ARAP1: variants seen among roughly 807,000 people sequenced by gnomAD.
ARAP1 encodes arf-GAP with Rho-GAP domain, ANK repeat and PH domain-containing protein 1.
Under a neutral mutation model 172.2 loss-of-function variants are expected in ARAP1, and 76 were observed. The ratio of observed to expected loss-of-function variants is 0.44; its 90% CI spans 0.37 to 0.53. The LOEUF is 0.53. Ranked by LOEUF, ARAP1 falls within the 20% of genes least tolerant of loss-of-function variation. The probability of loss-of-function intolerance (pLI) is 0.00; values close to 1 mark genes in which losing one functional copy is unlikely to be tolerated. For synonymous variants in ARAP1, 804 were observed against 803.3 expected, an observed-to-expected ratio of 1.00 and a Z score of -0.01; for missense variants, 1,686 against 1,977.5, an observed-to-expected ratio of 0.85 and a Z score of 2.80.
chr11:72,721,570 G>C (rs763204047), intron 3 of ARAP1, among the ~76,000 whole-genome samples: 2 of 152,142 alleles, frequency 1.3e-5, no homozygotes, highest in African/African-American at 4.8e-5. Context: ...AGGCACCGTG[G>C]GCTCCTGGTG....
chr11:72,707,285 G>C lies in ARAP1; in HGVS notation c.1613C>G (p.Ala538Gly), dbSNP rs868050352. 1 of 1,613,600 alleles carries C rather than the reference G, an allele frequency of 6.2e-7. No homozygotes were observed. Among genetic ancestry groups the C allele is most frequent in the South Asian group, 1.1e-5 (1 of 91,014 alleles). ...IAEALSTSEV[A>G]ERIWAAAPNR... ...GGGGGCTGCAGCCCAGATGCGCTCG[G>C]CCACCTCCGAGGTAGACAGGGCCTC... The change falls in exon 12 of 35, where the codon GCC (alanine) becomes GGC (glycine). Residue 538 changes from alanine to glycine, a missense_variant. Transcript: ENST00000393609.
At chr11:72,721,943 C>A (rs1030893813) in intron 3 of ARAP1, 5 of 986,428 alleles carry the variant, frequency 5.1e-6, no homozygotes, top group African/African-American at 3.5e-5. Flanking sequence ...CCTGCCCGTG[C>A]AAGCCTGGGT....
Position 72,727,130 on chromosome 11 carries a change from G to GT in ARAP1, c.-3dup. 1 of 1,578,558 alleles carries GT rather than the reference G, an allele frequency of 6.3e-7. No individual in the cohort carries two copies. Among genetic ancestry groups the GT allele is most frequent in the Non-Finnish European group, 8.6e-7 (1 of 1,158,610 alleles). On this transcript the variant is annotated 5_prime_UTR_variant, in exon 3 of 35. Transcript: ENST00000393609. ...CGCAGCATCCCCAGCCTCTGCCATGGTTCCTGCCAGCGGAGGCCTGACTGG... is the reference window on the plus strand; with the variant it reads ...CGCAGCATCCCCAGCCTCTGCCATGGTTTCCTGCCAGCGGAGGCCTGACTGG...
chr11:72,710,880 C>G lies in ARAP1; in HGVS notation c.1213+141G>C. On this transcript the variant is annotated intron_variant, in intron 9 of 34. Transcript: ENST00000393609. This position sits in a 1 kb window ranked among gnomAD's most constrained non-coding sequence, Gnocchi z 4.3. ...CACAGAGGGTGCCCCCTTCCTCTGC[C>G]CACCTCACAAAGGCAGCATGCCTCC... The G allele has an allele frequency of 6.6e-7, 1 of 1,507,402 alleles. No individual in the cohort carries two copies. Among genetic ancestry groups the G allele is most frequent in the Non-Finnish European group, 9.0e-7 (1 of 1,109,702 alleles). The allele number at this position is 1,507,402 out of a possible 1,614,324, so 93.4% of individuals were successfully genotyped here.
At position 72,712,469 on chromosome 11, in the gene ARAP1, C is replaced by T. The variant is rs1302026977; in HGVS notation, c.847G>A (p.Glu283Lys). The change falls in exon 6 of 35, where the codon GAG becomes AAG. Residue 283 changes from glutamate (E) to lysine (K), a missense_variant. Around this residue, in one of 5 missense-constraint regions of ARAP1, gnomAD observed 688 missense variants for 856.9 expected, o/e 0.80. Coordinates refer to ENST00000393609, the MANE Select transcript of ARAP1 (RefSeq NM_001040118.3). ...ACGCCCTCATAGGCGTGGTCATCCT[C>T]TTCCTCATCCCCTTGGTCGTCCCCA... The part of the protein sequence containing the change: ...LSGDDQGDEE[E>K]DDHAYEGVPN... The T allele has an allele frequency of 6.2e-7, 1 of 1,605,316 alleles. No homozygotes were observed. The highest frequency in any genetic ancestry group is 8.5e-7 in the Non-Finnish European group (1 of 1,173,542).
At chr11:72,703,802 C>A in intron 14 of ARAP1, 1 of 296,384 alleles carries the variant, frequency 3.4e-6, no homozygotes. Context: ...CAGAGCAGCC[C>A]AGCTGTTTTT....
Position 72,686,148 on chromosome 11 carries a change from C to T in ARAP1, c.4229G>A (p.Arg1410Gln), listed in dbSNP as rs768510412. Residue 1410 changes from arginine to glutamine, a missense_variant, in exon 34 of 35, where the codon CGG (arginine) becomes CAG (glutamine). Coordinates refer to ENST00000393609, the MANE Select transcript of ARAP1 (RefSeq NM_001040118.3). The part of the protein sequence containing the change: ...VWPSEPSRVS[R>Q]AVPEVRLGSV... ...ACCCAGCCGGACCTCAGGCACTGCC[C>T]GGGACACGCGTGAGGGCTCTGAGGG... 8.7e-6 allele frequency: 14 copies of T among 1,613,808 alleles called. No homozygotes were observed. The highest frequency in any genetic ancestry group is 6.7e-5 in the African/African-American group (5 of 74,914).
intron 30 of ARAP1, among the ~76,000 whole-genome samples, chr11:72,691,328 C>T (rs1855923635): frequency 6.6e-6 from 1 of 152,036 alleles, no homozygotes; most frequent in Non-Finnish European, 1.5e-5. Flanking sequence ...TCTCCTGCCT[C>T]CTTCCTTCCA....
chr11:72,695,610 T>G lies in ARAP1; in HGVS notation c.3439A>C (p.Arg1147=). The change falls in exon 25 of 35, where the codon AGG becomes CGG. Residue 1147 remains arginine (R), a synonymous_variant. Coordinates refer to ENST00000393609, the MANE Select transcript of ARAP1 (RefSeq NM_001040118.3). This position sits in a 1 kb window ranked among gnomAD's most constrained non-coding sequence, Gnocchi z 4.4. ...VVFSVDEEEL[R]KQREEITAIV... is the part of the protein sequence containing the mutation. ...GCAGTGATCTCCTCCCGCTGCTTCC[T>G]GAGCTCTTCCTCATCCACCTGGGAA... 6.2e-7 allele frequency: 1 copy of G among 1,614,186 alleles called. No individual in the cohort carries two copies. The highest frequency in any genetic ancestry group is 8.5e-7 in the Non-Finnish European group (1 of 1,180,038).
Position 72,697,709 on chromosome 11 carries a change from C to T in ARAP1, c.2738-60G>A. The T allele has an allele frequency of 5.6e-6, 9 of 1,604,880 alleles. No homozygotes were observed. The South Asian group carries it at 1.0e-4, about 18-fold the overall frequency. ...TTGCTCCTGATCCCCAACCTGCTCC[C>T]TCCCTCTGTGAGCACACACACACCC... is the stretch of plus-strand genomic sequence containing the variant. On this transcript the variant is annotated intron_variant, in intron 19 of 34. Coordinates refer to ENST00000393609, the MANE Select transcript of ARAP1 (RefSeq NM_001040118.3).
chr11:72,736,411 T>A (rs545181035), intron 1 of ARAP1, among the ~76,000 whole-genome samples: 32 of 152,006 alleles, frequency 2.1e-4, no homozygotes, highest in African/African-American at 7.0e-4. Flanking sequence ...CCCAGCTAAT[T>A]ACTGAGCTTT....
chr11:72,707,394 G>A lies in ARAP1; in HGVS notation c.1524-20C>T, dbSNP rs748599089. 1 of 1,598,658 alleles carries A rather than the reference G, an allele frequency of 6.3e-7. No homozygotes were observed. The highest frequency in any genetic ancestry group is 8.5e-7 in the Non-Finnish European group (1 of 1,170,122). ...GAGAAGCTGGGGACATAGGGGTGGG[G>A]AGATTAGTGGGGATGGACTCAGAGG... On this transcript the variant is annotated intron_variant, in intron 11 of 34. Transcript: ENST00000393609.
chr11:72,747,444 ATCAGGT>A (rs781388962), intron 1 of ARAP1, among the ~76,000 whole-genome samples: 64 of 152,262 alleles, frequency 4.2e-4, no homozygotes, highest in Non-Finnish European at 8.7e-4. Context: ...TCCCAACAGG[ATCAGGT>A]TCCTGGTTTG....
chr11:72,715,459 G>A (rs989165096), intron 3 of ARAP1, among the ~76,000 whole-genome samples: 4 of 152,194 alleles, frequency 2.6e-5, no homozygotes, highest in Admixed American at 2.0e-4. Context: ...CAGTGACAGG[G>A]TCTGCCTGGG....
At chr11:72,742,994 T>C (rs1431775382) in intron 1 of ARAP1, among the ~76,000 whole-genome samples, 1 of 152,188 alleles carries the variant, frequency 6.6e-6, no homozygotes, top group Middle Eastern at 3.2e-3. Flanking sequence ...TGACTCCTCA[T>C]ACCCATTCGG....
chr11:72,704,074 G>T, intron 14 of ARAP1, 78 bp downstream of exon 14: 1 of 1,572,462 alleles, frequency 6.4e-7, no homozygotes. Flanking sequence ...AGATGAGATG[G>T]GTTAAGACAG....
intron 14 of ARAP1, 27 bp downstream of exon 14, chr11:72,704,125 G>T: frequency 6.2e-7 from 1 of 1,613,806 alleles, no homozygotes; most frequent in Non-Finnish European, 8.5e-7. Flanking sequence ...GTGGTCCCAA[G>T]GGGCCCCAGA....
chr11:72,726,599 C>A lies in ARAP1; in HGVS notation c.509+21G>T. ...GGATCCTCTGCCTGTGCGCCTCCCA[C>A]CCTGGGTGGCATCCACTCACCTCAC... On this transcript the variant is annotated intron_variant, in intron 3 of 34. Transcript: ENST00000393609. This position sits in a 1 kb window ranked among gnomAD's most constrained non-coding sequence, Gnocchi z 6.5. The A allele has an allele frequency of 1.4e-6, 2 of 1,480,614 alleles. No individual in the cohort carries two copies. The highest frequency in any genetic ancestry group is 4.9e-5 in the East Asian group (2 of 41,090). 91.7% of individuals were successfully genotyped at this position (1,480,614 alleles called of 1,614,324 possible). A position where few individuals can be genotyped will look rare whatever the true frequency, so the allele number is the denominator to read the frequency against.
rs1856385299 is a variant in ARAP1, at chr11:72,699,652, G to A, written c.2303-100C>T. 2.1e-6 allele frequency: 3 copies of A among 1,455,636 alleles called. No individual in the cohort carries two copies. Among genetic ancestry groups the A allele is most frequent in the South Asian group, 2.6e-5 (2 of 76,298 alleles). The allele number at this position is 1,455,636 out of a possible 1,614,324, so 90.2% of individuals were successfully genotyped here. On this transcript the variant is annotated intron_variant, in intron 16 of 34. Coordinates refer to ENST00000393609, the MANE Select transcript of ARAP1 (RefSeq NM_001040118.3). The surrounding 1 kb of genome is among the most constrained non-coding windows in gnomAD (Gnocchi z 4.2). ...GCTCCTGCTCCCATCTGACCCATGA[G>A]CTCTTCATTCTCTCAAGTTTTCCCT...
Sources: gnomAD v4.1 joint callset for allele counts (sites outside exome capture counted in the v4.1 genomes callset) on GRCh38, gnomAD v4.1.1 for gene constraint, gnomAD v4.1.1 regional missense constraint, Gnocchi (gnomAD v3.1) non-coding constraint, MANE v1.5 for transcripts, NCBI Gene and HGNC (gene_info 2026-07-23, HGNC 2026-07-21) for gene names.